The following AVEN variants were observed in gnomAD, a reference collection of about 807,000 sequenced individuals.
The protein encoded by AVEN is cell death regulator Aven.
A neutral mutation model predicts 38.1 loss-of-function variants in AVEN; 41 were observed. The ratio of observed to expected loss-of-function variants is 1.08; its 90% CI spans 0.84 to 1.40. AVEN has a LOEUF of 1.40. Ranked by LOEUF, AVEN falls within the 40% of genes most tolerant of loss-of-function variation. The pLI is 0.00. For missense variants in AVEN, 605 were observed against 438.8 expected (o/e 1.38, Z -3.38); for synonymous variants, 206 against 171.8 (o/e 1.20, Z -1.56).
chr15:33,911,297 C>A (rs1892910341), intron 2 of AVEN, among the ~76,000 whole-genome samples: 2 of 152,066 alleles, frequency 1.3e-5, no homozygotes, highest in African/African-American at 4.8e-5. Flanking sequence ...TGCCAGACAC[C>A]CCTTGAGGAA....
chr15:34,044,864 T>C lies in AVEN; in HGVS notation n.1637+18058A>G, dbSNP rs143515163. Among the ~76,000 whole-genome samples, 6 of 152,212 alleles carry C rather than the reference T, an allele frequency of 3.9e-5. No homozygotes were observed. The East Asian group carries it at 9.7e-4, about 25-fold the overall frequency. On this transcript the variant is annotated intron_variant and non_coding_transcript_variant, in intron 5 of 11. Transcript: ENST00000675287. Reference sequence around the variant, plus strand: ...AGGAGATGGAGACCATCCTAGCTAATAGGGTGAAACCCCGTCTCTTAAAAA... The same window carrying C: ...AGGAGATGGAGACCATCCTAGCTAACAGGGTGAAACCCCGTCTCTTAAAAA...
At chr15:33,866,780 G>A in intron 5 of AVEN, 52 bp from the exon 6 acceptor site, 2 of 1,329,380 alleles carry the variant, frequency 1.5e-6, no homozygotes, top group Non-Finnish European at 2.1e-6. Flanking sequence ...TAAAATTGAA[G>A]GTATAATTCA....
At chr15:33,882,561 T>A (rs1187894937) in intron 2 of AVEN, among the ~76,000 whole-genome samples, 4 of 149,116 alleles carry the variant, frequency 2.7e-5, no homozygotes, top group East Asian at 2.0e-4. Flanking sequence ...GCAAAAATGT[T>A]AAAAAAAAAA....
chr15:33,953,923 G>C (rs1018414248), intron 2 of AVEN, among the ~76,000 whole-genome samples: 1 of 152,076 alleles, frequency 6.6e-6, no homozygotes, highest in Non-Finnish European at 1.5e-5. Context: ...AATCTACAAA[G>C]AACTTAAACT....
At chr15:33,976,867 A>G (rs1895910627) in intron 2 of AVEN, among the ~76,000 whole-genome samples, 1 of 152,140 alleles carries the variant, frequency 6.6e-6, no homozygotes, top group South Asian at 2.1e-4. Flanking sequence ...TTATTTTTCT[A>G]TGCCTTTTCT....
intron 2 of AVEN, among the ~76,000 whole-genome samples, chr15:33,940,796 T>C (rs1320880729): frequency 6.6e-6 from 1 of 152,116 alleles, no homozygotes; most frequent in African/African-American, 2.4e-5. Flanking sequence ...CACTTTGGCC[T>C]CCCAAAGTGC....
chr15:34,041,272 T>G (rs1292260164), upstream of AVEN, among the ~76,000 whole-genome samples: 1 of 152,154 alleles, frequency 6.6e-6, no homozygotes, highest in Non-Finnish European at 1.5e-5. Context: ...TCACCCTGGA[T>G]GAGAACCACT....
At chr15:33,922,159 T>G (rs568581508) in intron 2 of AVEN, among the ~76,000 whole-genome samples, 1 of 152,186 alleles carries the variant, frequency 6.6e-6, no homozygotes, top group Non-Finnish European at 1.5e-5. Flanking sequence ...ATAGGGAGTA[T>G]AGCCCCTTGG....
At chr15:33,857,715 C>T (rs2079841539), downstream of AVEN, 3 of 1,598,070 alleles carry the variant, frequency 1.9e-6, no homozygotes, top group East Asian at 2.2e-5. Context: ...CTTAGAGTCT[C>T]CTGTGAACCT....
At chr15:33,949,353 G>A (rs909538281) in intron 2 of AVEN, among the ~76,000 whole-genome samples, 1 of 152,144 alleles carries the variant, frequency 6.6e-6, no homozygotes, top group Non-Finnish European at 1.5e-5. Context: ...ACAGTAGGGG[G>A]TCTATAGTTA....
intron 1 of AVEN, among the ~76,000 whole-genome samples, chr15:34,030,968 C>A (rs890635009): frequency 2.0e-5 from 3 of 151,890 alleles, no homozygotes; most frequent in Non-Finnish European, 4.4e-5. Context: ...TCTTTTCAAG[C>A]CAGAAATTAC....
intron 2 of AVEN, among the ~76,000 whole-genome samples, chr15:33,950,501 A>G (rs1042032263): frequency 3.9e-5 from 6 of 152,188 alleles, no homozygotes; most frequent in Non-Finnish European, 7.3e-5. Context: ...AGCTGAGAGG[A>G]AAAAAAGAAA....
chr15:34,069,513 T>C (rs564999865), intron 2 of AVEN, among the ~76,000 whole-genome samples: 1 of 152,330 alleles, frequency 6.6e-6, no homozygotes, highest in South Asian at 2.1e-4. Context: ...CCTTATTAGA[T>C]TCCATTTAAT....
chr15:33,880,081 C>T (rs1204791450), intron 2 of AVEN, among the ~76,000 whole-genome samples: 1 of 151,966 alleles, frequency 6.6e-6, no homozygotes, highest in African/African-American at 2.4e-5. Context: ...CCTAAAACAA[C>T]CATTAAAATA....
intron 1 of AVEN, among the ~76,000 whole-genome samples, chr15:34,015,147 T>G (rs1284984434): frequency 6.6e-6 from 1 of 152,116 alleles, no homozygotes; most frequent in Non-Finnish European, 1.5e-5. Flanking sequence ...TTCAAAGCTG[T>G]TATCATAAGG....
chr15:33,986,278 T>G (rs1323339139), intron 2 of AVEN, among the ~76,000 whole-genome samples: 1 of 151,702 alleles, frequency 6.6e-6, no homozygotes. Context: ...GGCTAATTTA[T>G]TTTTGTATTT....
chr15:34,026,399 T>C (rs1350266370), intron 1 of AVEN, among the ~76,000 whole-genome samples: 1 of 152,128 alleles, frequency 6.6e-6, no homozygotes, highest in Admixed American at 6.5e-5. Flanking sequence ...TAACCTTTTA[T>C]ATTAAAGGGG....
At chr15:33,892,019 A>C (rs1223722710) in intron 2 of AVEN, among the ~76,000 whole-genome samples, 1 of 152,208 alleles carries the variant, frequency 6.6e-6, no homozygotes, top group Non-Finnish European at 1.5e-5. Flanking sequence ...TTGGCTGCAT[A>C]AATGTCTTCT....
chr15:33,920,829 A>G (rs887614472), intron 2 of AVEN, among the ~76,000 whole-genome samples: 7 of 152,010 alleles, frequency 4.6e-5, no homozygotes, highest in Admixed American at 2.6e-4. Flanking sequence ...GCAGTGGTGC[A>G]ATCTCGCAAT....
Sources: gnomAD v4.1 joint callset for allele counts (sites outside exome capture counted in the v4.1 genomes callset) on GRCh38, gnomAD v4.1.1 for gene constraint, MANE v1.5 for transcripts, NCBI Gene and HGNC (gene_info 2026-07-23, HGNC 2026-07-21) for gene names.